Variants in MCPH1 observed in about 807,000 individuals in gnomAD.
MCPH1 encodes the protein microcephalin 1, also known as microcephalin.
MCPH1 carries 104 observed loss-of-function variants against 84.5 expected under a neutral mutation model. The ratio of observed to expected loss-of-function variants is 1.23; its 90% CI spans 1.05 to 1.45. MCPH1 has a LOEUF of 1.45. MCPH1 is among the 40% of genes most tolerant of loss of function. The pLI is 0.00. For missense variants in MCPH1, 1,498 were observed against 1,005.7 expected (o/e 1.49, Z -6.62); for synonymous variants, 514 against 366.8 (o/e 1.40, Z -4.58).
intron 4 of MCPH1, among the ~76,000 whole-genome samples, 182 bp from the exon 5 acceptor site, chr8:6,435,866 T>C (rs1395073405): frequency 6.6e-6 from 1 of 152,206 alleles, no homozygotes; most frequent in East Asian, 1.9e-4. Context: ...ATTCTGTCCA[T>C]TTTCTTTATA....
At chr8:6,507,188 A>G (rs1281008367) in intron 12 of MCPH1, among the ~76,000 whole-genome samples, 2 of 152,198 alleles carry the variant, frequency 1.3e-5, no homozygotes, top group African/African-American at 2.4e-5. Flanking sequence ...GGGGGCCACC[A>G]TGCCCAGCCC....
chr8:6,481,169 A>G (rs532950021), intron 11 of MCPH1, among the ~76,000 whole-genome samples: 1 of 152,290 alleles, frequency 6.6e-6, no homozygotes, highest in South Asian at 2.1e-4. Flanking sequence ...GAAACGCAAG[A>G]TGCATGTTCT....
Position 6,547,852 on chromosome 8 carries a change from T to G in MCPH1, c.2214+47923T>G, listed in dbSNP as rs569178238. ...GCAGAGGTTTTCCTATTGTTAGGTT[T>G]GTTTGTTTGTTTCAGTGAGTCATCT... On this transcript the variant is annotated intron_variant, in intron 12 of 13. Coordinates refer to ENST00000344683, the MANE Select transcript of MCPH1 (RefSeq NM_024596.5). Among the ~76,000 whole-genome samples the G allele has an allele frequency of 4.6e-5, 7 of 151,692 alleles. No individual in the cohort carries two copies. In the South Asian group the frequency reaches 1.5e-3, roughly 32 times the overall value.
At chr8:6,498,929 G>T (rs1811619645) in intron 11 of MCPH1, among the ~76,000 whole-genome samples, 1 of 152,082 alleles carries the variant, frequency 6.6e-6, no homozygotes, top group African/African-American at 2.4e-5. Flanking sequence ...GTGGGCGCCT[G>T]TGGTCCCAGC....
intron 11 of MCPH1, among the ~76,000 whole-genome samples, chr8:6,486,956 G>T (rs17077121): frequency 0.051 from 7,830 of 152,092 alleles, 437 homozygotes; most frequent in African/African-American, 0.14. Context: ...ACTTTCCCTC[G>T]AAACCCTTTT....
intron 10 of MCPH1, among the ~76,000 whole-genome samples, chr8:6,480,332 G>T (rs1809036647): frequency 6.6e-6 from 1 of 151,954 alleles, no homozygotes; most frequent in Non-Finnish European, 1.5e-5. Context: ...CACCATGTTG[G>T]CTAGGCTGAT....
chr8:6,485,724 G>C (rs986562525), intron 11 of MCPH1, among the ~76,000 whole-genome samples: 2 of 152,074 alleles, frequency 1.3e-5, no homozygotes, highest in Non-Finnish European at 2.9e-5. Flanking sequence ...GTGGCCTATG[G>C]CTTCAGGTGA....
chr8:6,548,958 T>A (rs1586559525), intron 12 of MCPH1, among the ~76,000 whole-genome samples: 1 of 152,374 alleles, frequency 6.6e-6, no homozygotes, highest in Admixed American at 6.5e-5. Flanking sequence ...GGGGGAATTA[T>A]GTTTAACCAG....
chr8:6,469,391 C>G (rs2916730), intron 9 of MCPH1, among the ~76,000 whole-genome samples: 1 of 152,126 alleles, frequency 6.6e-6, no homozygotes. Context: ...GTGCTTTACA[C>G]GATGTAGCTG....
At chr8:6,516,647 A>G (rs1816327365) in intron 12 of MCPH1, among the ~76,000 whole-genome samples, 2 of 152,204 alleles carry the variant, frequency 1.3e-5, no homozygotes, top group Non-Finnish European at 2.9e-5. Context: ...AACCAGCTGA[A>G]TAAGCTACTT....
At chr8:6,412,759 C>G (rs927485567) in intron 2 of MCPH1, among the ~76,000 whole-genome samples, 1 of 152,178 alleles carries the variant, frequency 6.6e-6, no homozygotes, top group African/African-American at 2.4e-5. Context: ...AATCTAGAAT[C>G]TCAGCCCGGT....
chr8:6,411,656 G>C (rs73661721), intron 2 of MCPH1, among the ~76,000 whole-genome samples: 1 of 152,170 alleles, frequency 6.6e-6, no homozygotes, highest in Non-Finnish European at 1.5e-5. Flanking sequence ...GCCACAGTGC[G>C]TGATTTTTAT....
chr8:6,406,685 G>A lies in MCPH1; in HGVS notation c.18G>A (p.Leu6=), dbSNP rs780940062. 9.9e-6 allele frequency: 16 copies of A among 1,611,996 alleles called. No homozygotes were observed. Among genetic ancestry groups the A allele is most frequent in the African/African-American group, 1.3e-5 (1 of 74,918 alleles). The part of the protein sequence containing the change: MAAPI[L]KDVVAYVEVW... ...CGTCTGTCATGGCGGCCCCCATCCT[G>A]AAAGGTGAGGTACTTCCTGCTGCCT... The change falls in exon 1 of 14, where the codon CTG becomes CTA. Residue 6 remains leucine (L), a synonymous_variant. Transcript: ENST00000344683.
intron 12 of MCPH1, chr8:6,532,638 T>A (rs1586429287): frequency 3.6e-6 from 2 of 551,508 alleles, no homozygotes; most frequent in Non-Finnish European, 5.6e-6. Flanking sequence ...AATCTTACTA[T>A]TTTTTTTTAT....
Position 6,408,609 on chromosome 8 carries a change from C to A in MCPH1, c.23-670C>A, listed in dbSNP as rs570120449. On this transcript the variant is annotated intron_variant, in intron 1 of 13. Coordinates refer to ENST00000344683, the MANE Select transcript of MCPH1 (RefSeq NM_024596.5). Reference sequence around the variant, plus strand: ...CTGGAGTGCAATGGTGCGATCATAACTCAGCTTCTACCTCCTGGGCTCTAG... The same window carrying A: ...CTGGAGTGCAATGGTGCGATCATAAATCAGCTTCTACCTCCTGGGCTCTAG... Among the ~76,000 whole-genome samples the A allele has an allele frequency of 1.5e-3, 226 of 152,174 alleles. 1 individual carries two copies. Among genetic ancestry groups the A allele is most frequent in the Non-Finnish European group, 2.7e-3 (181 of 68,002 alleles).
At chr8:6,411,473 C>T (rs80112072) in intron 2 of MCPH1, among the ~76,000 whole-genome samples, 2 of 152,120 alleles carry the variant, frequency 1.3e-5, no homozygotes, top group Non-Finnish European at 2.9e-5. Flanking sequence ...TTCAGATATG[C>T]CAGAGAAGCC....
chr8:6,529,491 GC>G (rs1819037487), intron 12 of MCPH1, among the ~76,000 whole-genome samples: 1 of 138,038 alleles, frequency 7.2e-6, no homozygotes, highest in South Asian at 2.3e-4. Context: ...TCACTCTGTT[GC>G]CCAGGCTGCA....
In MCPH1 at chr8:6,457,673, C is replaced by T. The variant is rs1805848672; in HGVS notation, c.1935+2421C>T. ...CCCTCCTGGCCAGCAGCTCCCGACCCCAGTGCGGCACCCCGTCCTTAACGT... is the reference window on the plus strand; with the variant it reads ...CCCTCCTGGCCAGCAGCTCCCGACCTCAGTGCGGCACCCCGTCCTTAACGT... On this transcript the variant is annotated intron_variant, in intron 9 of 13. Coordinates refer to ENST00000344683, the MANE Select transcript of MCPH1 (RefSeq NM_024596.5). Among the ~76,000 whole-genome samples, 3 of 152,178 alleles carry T rather than the reference C, an allele frequency of 2.0e-5. No homozygotes were observed. The South Asian group carries it at 6.2e-4, about 32-fold the overall frequency.
intron 12 of MCPH1, among the ~76,000 whole-genome samples, chr8:6,536,336 A>G (rs187839331): frequency 1.3e-3 from 191 of 152,296 alleles, no homozygotes; most frequent in African/African-American, 4.4e-3. Context: ...TGCAGGGCTG[A>G]GCACTGGAAT....
Sources: allele counts gnomAD v4.1 joint callset (sites outside exome capture counted in the v4.1 genomes callset), GRCh38; gene constraint gnomAD v4.1.1; transcripts MANE v1.5; gene names NCBI Gene and HGNC (gene_info 2026-07-23, HGNC 2026-07-21).